STXBP5: variants seen among roughly 807,000 people sequenced by gnomAD.
STXBP5 encodes the protein syntaxin binding protein 5, also known as syntaxin-binding protein 5.
A neutral mutation model predicts 152.4 loss-of-function variants in STXBP5; 50 were observed. The observed-to-expected ratio is 0.33, with a 90% confidence interval of 0.26 to 0.42. The LOEUF (loss-of-function observed/expected upper bound fraction) is 0.42, where lower values mean the gene tolerates loss of function less well. Among genes scored for constraint, STXBP5 ranks in the 10% least tolerant of loss-of-function variants. The probability of loss-of-function intolerance (pLI) is 1.00; values close to 1 mark genes in which losing one functional copy is unlikely to be tolerated. For synonymous variants in STXBP5, 492 were observed against 494.7 expected (o/e 0.99, Z 0.07); for missense variants, 1,167 against 1,388.6 (o/e 0.84, Z 2.54).
In STXBP5 at chr6:147,253,843, C is replaced by T. The variant is rs112270083; in HGVS notation, c.432-6772C>T. Among the ~76,000 whole-genome samples the T allele has an allele frequency of 2.4e-4, 37 of 152,178 alleles. 1 individual carries two copies. The highest frequency in any genetic ancestry group is 8.7e-4 in the African/African-American group (36 of 41,528). On this transcript the variant is annotated intron_variant, in intron 4 of 27. Transcript: ENST00000321680. ...TTCCATGCTGATGGATAGGAAGAATCAATATCGTGAAAATGGCCATACTGC... is the reference window on the plus strand; with the variant it reads ...TTCCATGCTGATGGATAGGAAGAATTAATATCGTGAAAATGGCCATACTGC...
At chr6:147,281,468 T>C (rs1378021584) in intron 8 of STXBP5, among the ~76,000 whole-genome samples, 1 of 152,264 alleles carries the variant, frequency 6.6e-6, no homozygotes, top group Non-Finnish European at 1.5e-5. Flanking sequence ...TTTCATTATA[T>C]TAACTGTTTC....
intron 10 of STXBP5, among the ~76,000 whole-genome samples, chr6:147,310,771 C>T (rs909086640): frequency 6.6e-6 from 1 of 152,048 alleles, no homozygotes; most frequent in Non-Finnish European, 1.5e-5. Flanking sequence ...GCTTTTAAGA[C>T]GTTAAACTGA....
chr6:147,287,925 C>A (rs986847528), intron 8 of STXBP5, among the ~76,000 whole-genome samples: 1 of 152,054 alleles, frequency 6.6e-6, no homozygotes, highest in Admixed American at 6.5e-5. Context: ...AGTGTCCTTG[C>A]CAGTGATAGG....
intron 18 of STXBP5, among the ~76,000 whole-genome samples, chr6:147,331,276 T>G (rs1333398515): frequency 6.6e-6 from 1 of 152,176 alleles, no homozygotes; most frequent in Non-Finnish European, 1.5e-5. Context: ...AAAAAGATAA[T>G]TTATAGGTAG....
At chr6:147,237,259 G>A (rs1778322749) in intron 3 of STXBP5, among the ~76,000 whole-genome samples, 1 of 151,886 alleles carries the variant, frequency 6.6e-6, no homozygotes, top group Non-Finnish European at 1.5e-5. Context: ...TTCTTTGGAA[G>A]GGCCATTTTT....
chr6:147,285,431 GACATTATTTAAA>G (rs1470690349), intron 8 of STXBP5, among the ~76,000 whole-genome samples: 3 of 150,572 alleles, frequency 2.0e-5, no homozygotes, highest in Non-Finnish European at 4.4e-5. Flanking sequence ...AGTAATCAGA[GACATTATTTAAA>G]ACATCTTGGT....
At chr6:147,214,609 A>T (rs1383152536) in intron 2 of STXBP5, among the ~76,000 whole-genome samples, 1 of 152,148 alleles carries the variant, frequency 6.6e-6, no homozygotes, top group Non-Finnish European at 1.5e-5. Context: ...CTTCCATCCT[A>T]TTTAGCCATC....
In STXBP5 at chr6:147,241,548, G is replaced by A. The variant is rs1456871468; in HGVS notation, c.431+2278G>A. Among the ~76,000 whole-genome samples the A allele has an allele frequency of 2.0e-5, 3 of 152,136 alleles. No individual in the cohort carries two copies. The South Asian group carries it at 6.2e-4, about 32-fold the overall frequency. ...GTGTTGCATAACGATGTTACACTCA[G>A]TGACAATTGTATATATGATGGTGGT... On this transcript the variant is annotated intron_variant, in intron 4 of 27. Transcript: ENST00000321680.
intron 6 of STXBP5, among the ~76,000 whole-genome samples, chr6:147,263,934 G>A (rs575317896): frequency 2.6e-5 from 4 of 151,796 alleles, no homozygotes; most frequent in South Asian, 2.1e-4. Flanking sequence ...TTTGAAACTC[G>A]TTAAGCACAA....
chr6:147,364,228 T>C (rs1785193674), intron 25 of STXBP5, 62 bp downstream of exon 25: 2 of 1,431,478 alleles, frequency 1.4e-6, no homozygotes, highest in African/African-American at 2.8e-5. Context: ...AGGGCCCGTA[T>C]ACTGTCTGCC....
chr6:147,363,757 T>C, intron 24 of STXBP5, 53 bp downstream of exon 24: 3 of 1,540,852 alleles, frequency 1.9e-6, no homozygotes, highest in Non-Finnish European at 2.6e-6. Context: ...TCCCTCAAAC[T>C]ATACTACAGA....
chr6:147,346,460 C>T (rs1784334299), intron 21 of STXBP5, among the ~76,000 whole-genome samples: 1 of 152,096 alleles, frequency 6.6e-6, no homozygotes, highest in African/African-American at 2.4e-5. Flanking sequence ...GATACACGGC[C>T]AGGCGCAGTG....
intron 27 of STXBP5, among the ~76,000 whole-genome samples, chr6:147,383,355 C>T (rs541848081): frequency 6.4e-4 from 97 of 152,206 alleles, no homozygotes; most frequent in Non-Finnish European, 1.0e-4. Context: ...AATAATTTGC[C>T]TCCTTGAGTC....
At chr6:147,345,094 C>G (rs1784263278) in intron 21 of STXBP5, among the ~76,000 whole-genome samples, 2 of 152,086 alleles carry the variant, frequency 1.3e-5, no homozygotes, top group African/African-American at 2.4e-5. Context: ...ATTAACAGGT[C>G]TGTATTTAAT....
intron 18 of STXBP5, among the ~76,000 whole-genome samples, chr6:147,329,230 ATTTATATTATT>A (rs1783428000): frequency 6.7e-6 from 1 of 148,288 alleles, no homozygotes; most frequent in Non-Finnish European, 1.5e-5. Flanking sequence ...TTTATATTTT[ATTTATATTATT>A]TTTATATTAT....
In STXBP5 at chr6:147,314,475, C is replaced by T; in HGVS notation, c.1362-121C>T. On this transcript the variant is annotated intron_variant, in intron 13 of 27. Coordinates refer to ENST00000321680, the MANE Select transcript of STXBP5 (RefSeq NM_001127715.4). ...AGAAATGTTATTCTTAAGAACCTGC[C>T]AGTTTACCCTGATTTTTTTTACCTT... The T allele has an allele frequency of 5.4e-6, 7 of 1,304,590 alleles. No individual in the cohort carries two copies. In the South Asian group the frequency reaches 9.4e-5, roughly 17 times the overall value. The allele number at this position is 1,304,590 out of a possible 1,614,324, so 80.8% of individuals were successfully genotyped here.
intron 8 of STXBP5, among the ~76,000 whole-genome samples, chr6:147,290,851 T>C (rs1461586164): frequency 6.6e-6 from 1 of 152,244 alleles, no homozygotes; most frequent in Non-Finnish European, 1.5e-5. Context: ...GCTAGAATTT[T>C]GTCACATAAA....
At chr6:147,341,271 A>G (rs1784079154) in intron 21 of STXBP5, among the ~76,000 whole-genome samples, 1 of 152,184 alleles carries the variant, frequency 6.6e-6, no homozygotes, top group South Asian at 2.1e-4. Context: ...TGCTATTGAA[A>G]AACATAAAAT....
rs144509521 is a variant in STXBP5, at chr6:147,223,233, A to G, written c.249-12017A>G. Among the ~76,000 whole-genome samples, 620 of 152,342 alleles carry G rather than the reference A, an allele frequency of 4.1e-3. 6 individuals carry two copies. The highest frequency in any genetic ancestry group is 0.014 in the African/African-American group (592 of 41,574). On this transcript the variant is annotated intron_variant, in intron 2 of 27. Coordinates refer to ENST00000321680, the MANE Select transcript of STXBP5 (RefSeq NM_001127715.4). ...AACTGACGTTTATCAAGTAGGTGCAACTATGGAATGGGGTACTCTAAAACT... is the reference window on the plus strand; with the variant it reads ...AACTGACGTTTATCAAGTAGGTGCAGCTATGGAATGGGGTACTCTAAAACT...
Sources: allele counts gnomAD v4.1 joint callset (sites outside exome capture counted in the v4.1 genomes callset), GRCh38; gene constraint gnomAD v4.1.1; transcripts MANE v1.5; gene names NCBI Gene and HGNC (gene_info 2026-07-23, HGNC 2026-07-21).